KCNIP4: variants seen among roughly 807,000 people sequenced by gnomAD.
KCNIP4 encodes the protein potassium voltage-gated channel interacting protein 4, also known as Kv channel-interacting protein 4.
A neutral mutation model predicts 34.0 loss-of-function variants in KCNIP4; 12 were observed. That is an observed-to-expected ratio of 0.35 (90% CI 0.23 to 0.57). The LOEUF (loss-of-function observed/expected upper bound fraction) is 0.57. KCNIP4 is among the 20% of genes least tolerant of loss of function. The pLI, the probability that KCNIP4 is intolerant of heterozygous loss-of-function variation, is 0.83. For synonymous variants in KCNIP4, 124 were observed against 102.2 expected (o/e 1.21, Z -1.29); for missense variants, 238 against 311.7 (o/e 0.76, Z 1.78).
intron 3 of KCNIP4, among the ~76,000 whole-genome samples, chr4:20,788,858 A>G (rs1712351614): frequency 6.6e-6 from 1 of 152,166 alleles, no homozygotes; most frequent in Non-Finnish European, 1.5e-5. Context: ...GATTTAAATT[A>G]AGAGTATCAC....
intron 1 of KCNIP4, among the ~76,000 whole-genome samples, chr4:21,425,048 G>A (rs1725818225): frequency 6.6e-6 from 1 of 152,132 alleles, no homozygotes; most frequent in South Asian, 2.1e-4. Flanking sequence ...ATAATATGAT[G>A]GGGGAAGGGA....
intron 1 of KCNIP4, among the ~76,000 whole-genome samples, chr4:20,986,806 A>G (rs879431114): frequency 1.3e-5 from 2 of 152,194 alleles, no homozygotes; most frequent in Non-Finnish European, 2.9e-5. Flanking sequence ...AGTCCCATGA[A>G]TATGATTTTG....
intron 2 of KCNIP4, among the ~76,000 whole-genome samples, chr4:20,854,259 G>A (rs1721344323): frequency 6.6e-6 from 1 of 152,170 alleles, no homozygotes; most frequent in South Asian, 2.1e-4. Flanking sequence ...ATCAATCAAT[G>A]AGTGGATAAA....
intron 1 of KCNIP4, among the ~76,000 whole-genome samples, chr4:21,604,526 G>T (rs550862242): frequency 6.6e-6 from 1 of 152,148 alleles, no homozygotes; most frequent in African/African-American, 2.4e-5. Context: ...GATATATTTT[G>T]CTCCTCAAAT....
intron 1 of KCNIP4, among the ~76,000 whole-genome samples, chr4:21,731,807 G>T (rs932101414): frequency 6.6e-6 from 1 of 152,108 alleles, no homozygotes; most frequent in African/African-American, 2.4e-5. Context: ...CAAGAGATGA[G>T]ATTGCCATTT....
intron 1 of KCNIP4, among the ~76,000 whole-genome samples, chr4:21,043,784 T>A (rs1742172671): frequency 6.6e-6 from 1 of 152,158 alleles, no homozygotes; most frequent in South Asian, 2.1e-4. Flanking sequence ...TGCCAAATGC[T>A]TTGCATCCAT....
chr4:21,103,632 G>A (rs1362965076), intron 1 of KCNIP4, among the ~76,000 whole-genome samples: 1 of 146,282 alleles, frequency 6.8e-6, no homozygotes, highest in Non-Finnish European at 1.5e-5. Context: ...TGTGCACAAT[G>A]TGCAGGTTAG....
intron 1 of KCNIP4, among the ~76,000 whole-genome samples, chr4:20,940,258 C>T (rs1235533225): frequency 1.3e-5 from 2 of 152,248 alleles, no homozygotes; most frequent in South Asian, 2.1e-4. Context: ...ATTTCTCAGT[C>T]GTTCTAAAAT....
chr4:21,826,914 T>C (rs1352595592), intron 1 of KCNIP4, among the ~76,000 whole-genome samples: 2 of 152,026 alleles, frequency 1.3e-5, no homozygotes, highest in Non-Finnish European at 2.9e-5. Context: ...AGAAGGGAGC[T>C]TGAAAAACTT....
intron 1 of KCNIP4, among the ~76,000 whole-genome samples, chr4:21,350,368 A>C (rs964808671): frequency 5.3e-5 from 8 of 152,176 alleles, no homozygotes; most frequent in Admixed American, 1.3e-4. Flanking sequence ...CCTTACAAGT[A>C]ATTGAGACCC....
intron 1 of KCNIP4, among the ~76,000 whole-genome samples, chr4:21,216,142 T>G (rs183799643): frequency 6.6e-6 from 1 of 152,204 alleles, no homozygotes; most frequent in Non-Finnish European, 1.5e-5. Context: ...GAAATGACTT[T>G]GCGTTGGTGC....
At chr4:21,380,859 C>CAT in intron 1 of KCNIP4, among the ~76,000 whole-genome samples, 1 of 151,768 alleles carries the variant, frequency 6.6e-6, no homozygotes, top group East Asian at 1.9e-4. Context: ...CACACACACA[C>CAT]GAATTGGCTT....
chr4:20,958,836 C>T (rs775017369), intron 1 of KCNIP4, among the ~76,000 whole-genome samples: 13 of 152,182 alleles, frequency 8.5e-5, no homozygotes, highest in African/African-American at 1.9e-4. Flanking sequence ...TGGTTTTCAC[C>T]AGCATGAATA....
intron 1 of KCNIP4, among the ~76,000 whole-genome samples, chr4:21,700,055 T>C (rs1305635644): frequency 6.6e-6 from 1 of 152,160 alleles, no homozygotes; most frequent in Admixed American, 6.5e-5. Context: ...TGAATTAGTT[T>C]GGGACATGAA....
At chr4:21,775,403 G>A (rs1290644433) in intron 1 of KCNIP4, among the ~76,000 whole-genome samples, 1 of 152,050 alleles carries the variant, frequency 6.6e-6, no homozygotes, top group South Asian at 2.1e-4. Flanking sequence ...TCCTGTATAG[G>A]GTATCTGACA....
chr4:20,955,988 C>G (rs1177261077), intron 1 of KCNIP4, among the ~76,000 whole-genome samples: 3 of 152,192 alleles, frequency 2.0e-5, no homozygotes, highest in African/African-American at 7.2e-5. Flanking sequence ...GTGACCAGCC[C>G]TTGTGCCAAG....
At chr4:20,933,668 G>A (rs1397071887) in intron 1 of KCNIP4, among the ~76,000 whole-genome samples, 1 of 151,336 alleles carries the variant, frequency 6.6e-6, no homozygotes, top group Non-Finnish European at 1.5e-5. Context: ...GTTACTTTAA[G>A]CTAAAATTAT....
intron 3 of KCNIP4, among the ~76,000 whole-genome samples, chr4:20,846,831 C>T (rs572737490): frequency 1.3e-5 from 2 of 152,236 alleles, no homozygotes; most frequent in Non-Finnish European, 2.9e-5. Context: ...CTCAATCTTG[C>T]CTACACAATA....
At chr4:21,767,766 G>A (rs1277197123) in intron 1 of KCNIP4, among the ~76,000 whole-genome samples, 3 of 152,078 alleles carry the variant, frequency 2.0e-5, no homozygotes, top group East Asian at 3.9e-4. Context: ...TTCAGAAATG[G>A]ATTTAAAACA....
Sources: gnomAD v4.1 joint callset for allele counts (sites outside exome capture counted in the v4.1 genomes callset) on GRCh38, gnomAD v4.1.1 for gene constraint, MANE v1.5 for transcripts, NCBI Gene and HGNC (gene_info 2026-07-23, HGNC 2026-07-21) for gene names.